The following MIPOL1 variants were observed in gnomAD, a reference collection of about 807,000 sequenced individuals.
MIPOL1 encodes the protein mirror-image polydactyly 1.
In MIPOL1, 57 loss-of-function variants were observed where a neutral mutation model predicts 60.9. The observed-to-expected ratio is 0.94, with a 90% CI of 0.76 to 1.17. The LOEUF (loss-of-function observed/expected upper bound fraction) is 1.17. Ranked by LOEUF, MIPOL1 falls within the 50% of genes most tolerant of loss-of-function variation. MIPOL1 has a pLI of 0.00. For missense variants in MIPOL1, 551 were observed against 511.6 expected (o/e 1.08, Z -0.74); for synonymous variants, 179 against 168.8 (o/e 1.06, Z -0.47).
At chr14:37,268,100 A>G (rs536624997) in intron 4 of MIPOL1, among the ~76,000 whole-genome samples, 1 of 152,298 alleles carries the variant, frequency 6.6e-6, no homozygotes, top group East Asian at 1.9e-4. Flanking sequence ...TGACTAATAT[A>G]TTTTCAGTCT....
At chr14:37,266,752 A>G (rs1263563171) in intron 3 of MIPOL1, among the ~76,000 whole-genome samples, 186 bp from the exon 4 acceptor site, 4 of 152,170 alleles carry the variant, frequency 2.6e-5, no homozygotes, top group African/African-American at 4.8e-5. Flanking sequence ...TTTTTGGCCT[A>G]TTTGAGACCA....
At chr14:37,267,705 T>C (rs2082987480) in intron 4 of MIPOL1, among the ~76,000 whole-genome samples, 1 of 152,148 alleles carries the variant, frequency 6.6e-6, no homozygotes, top group Non-Finnish European at 1.5e-5. Flanking sequence ...GAAAGACAGG[T>C]TTAATTCTAT....
intron 7 of MIPOL1, among the ~76,000 whole-genome samples, chr14:37,295,263 T>G (rs2085524453): frequency 6.6e-6 from 1 of 152,196 alleles, no homozygotes; most frequent in African/African-American, 2.4e-5. Flanking sequence ...CTGAGAGATT[T>G]TGTCACCACC....
intron 1 of MIPOL1, among the ~76,000 whole-genome samples, chr14:37,230,155 ATGTTGTGCATAAAT>A (rs969089431): frequency 3.3e-5 from 5 of 152,210 alleles, no homozygotes; most frequent in African/African-American, 9.7e-5. Flanking sequence ...TCAAAACAAC[ATGTTGTGCATAAAT>A]ATGTACAATT....
At chr14:37,418,013 C>T (rs2093803338) in intron 10 of MIPOL1, among the ~76,000 whole-genome samples, 1 of 152,038 alleles carries the variant, frequency 6.6e-6, no homozygotes, top group East Asian at 1.9e-4. Flanking sequence ...AGATCCTTTC[C>T]AAGTCTAAAA....
rs115647471 is a variant in MIPOL1 at position 37,313,686 on chromosome 14, T to C, written c.828+5167T>C. The stretch of plus-strand genomic sequence containing the variant: ...TAAATTCTTTATGTACATGCGTGTT[T>C]GGACTCTATTATAGGCGTAATGGAA... On this transcript the variant is annotated intron_variant, in intron 9 of 12. Coordinates refer to ENST00000684589, the MANE Select transcript of MIPOL1 (RefSeq NM_001388067.1). 2.5e-3 allele frequency among the ~76,000 whole-genome samples: 384 copies of C among 152,308 alleles called. 1 individual carries two copies. Among genetic ancestry groups the C allele is most frequent in the African/African-American group, 9.0e-3 (375 of 41,570 alleles).
At chr14:37,531,457 A>T (rs995275741) in intron 12 of MIPOL1, among the ~76,000 whole-genome samples, 5 of 152,148 alleles carry the variant, frequency 3.3e-5, no homozygotes, top group African/African-American at 1.2e-4. Flanking sequence ...TAATAAATGA[A>T]CAAAAAATAT....
intron 6 of MIPOL1, among the ~76,000 whole-genome samples, chr14:37,280,778 C>A (rs2084041223): frequency 6.6e-6 from 1 of 152,154 alleles, no homozygotes; most frequent in Non-Finnish European, 1.5e-5. Flanking sequence ...CATGCCTCAG[C>A]CTCCCAAATA....
At chr14:37,253,098 A>G (rs1435326952) in intron 3 of MIPOL1, among the ~76,000 whole-genome samples, 1 of 151,806 alleles carries the variant, frequency 6.6e-6, no homozygotes, top group African/African-American at 2.4e-5. Flanking sequence ...CTAGTAAGTA[A>G]TGGTATATTT....
intron 11 of MIPOL1, among the ~76,000 whole-genome samples, chr14:37,484,306 T>G (rs1253765132): frequency 2.0e-5 from 3 of 151,766 alleles, no homozygotes; most frequent in Non-Finnish European, 4.4e-5. Context: ...CCATTTCTCC[T>G]TCCATGACTT....
chr14:37,374,861 T>C (rs2092731991), intron 10 of MIPOL1, among the ~76,000 whole-genome samples: 1 of 152,224 alleles, frequency 6.6e-6, no homozygotes, highest in Admixed American at 6.5e-5. Flanking sequence ...GTCTTGGCTA[T>C]GTGGGCTCCT....
chr14:37,285,181 AATTG>A lies in MIPOL1; in HGVS notation c.494-126_494-123del, dbSNP rs1480301061. 211 of 837,152 alleles carry A rather than the reference AATTG, an allele frequency of 2.5e-4. 1 individual carries two copies. Among genetic ancestry groups the A allele is most frequent in the Admixed American group, 5.9e-4 (20 of 34,048 alleles). 51.9% of individuals were successfully genotyped at this position (837,152 alleles called of 1,614,324 possible). A position where few individuals can be genotyped will look rare whatever the true frequency, so the allele number is the denominator to read the frequency against. On this transcript the variant is annotated intron_variant, in intron 6 of 12. Transcript: ENST00000684589. ...CTATTATTAAAAATAATATTTTATGAATTGATTGATTGATATTAATTCAGTTTAT... is the reference window on the plus strand; with the variant it reads ...CTATTATTAAAAATAATATTTTATGAATTGATTGATATTAATTCAGTTTAT...
intron 11 of MIPOL1, among the ~76,000 whole-genome samples, chr14:37,438,840 A>C (rs183970838): frequency 6.6e-6 from 1 of 152,354 alleles, no homozygotes; most frequent in East Asian, 1.9e-4. Flanking sequence ...TAGGCTACAA[A>C]AACTAAATAC....
At chr14:37,266,843 A>G in intron 3 of MIPOL1, 95 bp from the exon 4 acceptor site, 2 of 816,030 alleles carry the variant, frequency 2.5e-6, no homozygotes, top group Non-Finnish European at 2.0e-6. Context: ...GTTTAAAGCT[A>G]AAGAGTGTTT....
chr14:37,272,778 C>T (rs575568732), intron 6 of MIPOL1, among the ~76,000 whole-genome samples: 1 of 151,482 alleles, frequency 6.6e-6, no homozygotes, highest in Non-Finnish European at 1.5e-5. Context: ...ATGTTATAAG[C>T]ACGCACACAT....
At chr14:37,289,233 C>CT (rs1567297842) in intron 7 of MIPOL1, among the ~76,000 whole-genome samples, 2 of 152,132 alleles carry the variant, frequency 1.3e-5, no homozygotes, top group African/African-American at 4.8e-5. Flanking sequence ...ACACAGAAGC[C>CT]TTTTTTGGCC....
intron 9 of MIPOL1, among the ~76,000 whole-genome samples, chr14:37,309,504 A>C (rs111656147): frequency 0.012 from 1,877 of 152,180 alleles, 14 homozygotes; most frequent in Middle Eastern, 0.031. Context: ...CCTTTCAAAA[A>C]TTGCAGCCTC....
chr14:37,263,228 C>T (rs140245648), intron 3 of MIPOL1, among the ~76,000 whole-genome samples: 1,832 of 152,156 alleles, frequency 0.012, 78 homozygotes, highest in Admixed American at 0.083. Flanking sequence ...AATACTGACA[C>T]CTCCAGAAGC....
chr14:37,483,378 G>A (rs1253900225), intron 11 of MIPOL1, among the ~76,000 whole-genome samples: 1 of 151,974 alleles, frequency 6.6e-6, no homozygotes, highest in East Asian at 1.9e-4. Flanking sequence ...GCCTCCCAAA[G>A]TGCTGGAATT....
Sources: allele counts gnomAD v4.1 joint callset (sites outside exome capture counted in the v4.1 genomes callset), GRCh38; gene constraint gnomAD v4.1.1; transcripts MANE v1.5; gene names NCBI Gene and HGNC (gene_info 2026-07-23, HGNC 2026-07-21).